SLC30A7: variants seen among roughly 807,000 people sequenced by gnomAD.
SLC30A7 encodes the protein solute carrier family 30 member 7, also known as zinc transporter 7.
A neutral mutation model predicts 46.0 loss-of-function variants in SLC30A7; 35 were observed. The observed-to-expected ratio is 0.76, with a 90% confidence interval of 0.58 to 1.01. The LOEUF is 1.01. Ranked by LOEUF, SLC30A7 falls within the 50% of genes least tolerant of loss-of-function variation. The pLI is 0.00. For missense variants in SLC30A7, 464 were observed against 451.1 expected, an observed-to-expected ratio of 1.03 and a Z score of -0.26; for synonymous variants, 147 against 157.8, an observed-to-expected ratio of 0.93 and a Z score of 0.51.
chr1:100,951,786 T>C, intron 8 of SLC30A7, among the ~76,000 whole-genome samples: 1 of 152,284 alleles, frequency 6.6e-6, no homozygotes, highest in South Asian at 2.1e-4. Context: ...GAAGAATGGC[T>C]GGGCAGAAGA....
chr1:100,987,267 G>C, the SLC30A7 span, among the ~76,000 whole-genome samples: 1 of 152,102 alleles, frequency 6.6e-6, no homozygotes, highest in Non-Finnish European at 1.5e-5. Context: ...TGAGTTGATA[G>C]CTTTACCAAA....
In SLC30A7 at chr1:100,977,583, CTT is replaced by C. The variant is rs938054471; in HGVS notation, c.*2727_*2728del. ...CAATGTCCCTGATATTGAGCTAACT[CTT>C]AAAAAAACCAAACAAAACTCGTATC... On this transcript the variant is annotated 3_prime_UTR_variant, in exon 11 of 11. Transcript: ENST00000357650. 6.6e-6 allele frequency: 1 copy of C among 152,090 alleles called. No homozygotes were observed. Among genetic ancestry groups the C allele is most frequent in the African/African-American group, 2.4e-5 (1 of 41,410 alleles). 9.4% of individuals were successfully genotyped at this position (152,090 alleles called of 1,614,324 possible). A position where few individuals can be genotyped will look rare whatever the true frequency, so the allele number is the denominator to read the frequency against.
At chr1:100,949,460 T>TG (rs1038476358) in intron 8 of SLC30A7, among the ~76,000 whole-genome samples, 5 of 152,176 alleles carry the variant, frequency 3.3e-5, no homozygotes, top group African/African-American at 1.2e-4. Context: ...TTAGGCTTCA[T>TG]GGGGGTCAGG....
intron 8 of SLC30A7, chr1:100,940,962 C>T: frequency 5.1e-6 from 2 of 388,552 alleles, no homozygotes; most frequent in Admixed American, 2.8e-5. Flanking sequence ...CCTGTAGTTT[C>T]CCTGTCACTT....
At chr1:100,930,450 T>C in intron 8 of SLC30A7, among the ~76,000 whole-genome samples, 1 of 152,068 alleles carries the variant, frequency 6.6e-6, no homozygotes, top group Non-Finnish European at 1.5e-5. Context: ...TTCTAAATTA[T>C]AAGAAATCAT....
Position 100,912,341 on chromosome 1 carries a change from A to G in SLC30A7, c.511+103A>G, listed in dbSNP as rs943943321. On this transcript the variant is annotated intron_variant, in intron 5 of 10. Transcript: ENST00000357650. ...TAAACTATACTGATTTCTGATGTCA[A>G]CAGACTATGTGAATATCTTCCTGAA... The G allele has an allele frequency of 8.5e-6, 11 of 1,288,196 alleles. No individual in the cohort carries two copies. The African/African-American group carries it at 1.5e-4, about 17-fold the overall frequency. 79.8% of individuals were successfully genotyped at this position (1,288,196 alleles called of 1,614,324 possible). A position where few individuals can be genotyped will look rare whatever the true frequency, so the allele number is the denominator to read the frequency against.
the SLC30A7 span, among the ~76,000 whole-genome samples, chr1:100,993,603 T>TATATATAGA: frequency 7.6e-6 from 1 of 132,130 alleles, no homozygotes; most frequent in Non-Finnish European, 1.6e-5. Context: ...TATATAGCTA[T>TATATATAGA]TGTGGCTTAC....
At chr1:100,918,579 TAAATTGAAG>T (rs1375213636) in intron 7 of SLC30A7, among the ~76,000 whole-genome samples, 1 of 152,196 alleles carries the variant, frequency 6.6e-6, no homozygotes, top group Non-Finnish European at 1.5e-5. Context: ...AAACCCGTGG[TAAATTGAAG>T]ATACTGTAGG....
rs531206950 is a variant in SLC30A7 at position 100,979,741 on chromosome 1, A to G, written c.*4884A>G. On this transcript the variant is annotated 3_prime_UTR_variant, in exon 11 of 11. Coordinates refer to ENST00000357650, the MANE Select transcript of SLC30A7 (RefSeq NM_133496.5). ...ACATCTCTGTGAGGAAGGAATTTTT[A>G]TCCTTATTTTACAGATGAGGAAGCT... 3 of 152,176 alleles carry G rather than the reference A, an allele frequency of 2.0e-5. No homozygotes were observed. The highest frequency in any genetic ancestry group is 2.0e-4 in the Admixed American group (3 of 15,276). The allele number at this position is 152,176 out of a possible 1,614,324, so 9.4% of individuals were successfully genotyped here. A position where few individuals can be genotyped will look rare whatever the true frequency, so the allele number is the denominator to read the frequency against.
At chr1:100,992,774 G>A in the SLC30A7 span, 1 of 1,424,604 alleles carries the variant, frequency 7.0e-7, no homozygotes, top group Non-Finnish European at 9.9e-7. Context: ...ACTGTTCTTA[G>A]CCATGAAACT....
chr1:100,923,165 C>T (rs183751221), intron 8 of SLC30A7, among the ~76,000 whole-genome samples: 1,517 of 136,370 alleles, frequency 0.011, 155 homozygotes, highest in Non-Finnish European at 0.014. Context: ...TACAGGCGCC[C>T]GCCACCTCGC....
chr1:100,953,064 A>G (rs1465585275), intron 8 of SLC30A7, among the ~76,000 whole-genome samples: 2 of 150,132 alleles, frequency 1.3e-5, no homozygotes, highest in Non-Finnish European at 3.0e-5. Context: ...ATGAGATCTG[A>G]TGATTTAAAA....
chr1:100,986,947 T>TAACTA, the SLC30A7 span, among the ~76,000 whole-genome samples: 1 of 152,236 alleles, frequency 6.6e-6, no homozygotes, highest in East Asian at 1.9e-4. Context: ...ATTTCTATTT[T>TAACTA]AACTAACATT....
rs938700801 is a variant in SLC30A7 at position 100,981,340 on chromosome 1, CT to C, written c.*6487del. On this transcript the variant is annotated 3_prime_UTR_variant, in exon 11 of 11. Coordinates refer to ENST00000357650, the MANE Select transcript of SLC30A7 (RefSeq NM_133496.5). ...TGTGAGTTTGATAAATAGGATGAGT[CT>C]TTTATATTGGAAATACTGTGAATGG... is the stretch of plus-strand genomic sequence containing the variant. 11 of 151,996 alleles carry C rather than the reference CT, an allele frequency of 7.2e-5. No homozygotes were observed. Among genetic ancestry groups the C allele is most frequent in the Admixed American group, 5.9e-4 (9 of 15,260 alleles). 9.4% of individuals were successfully genotyped at this position (151,996 alleles called of 1,614,324 possible).
At chr1:100,938,265 T>A (rs1431080710) in intron 8 of SLC30A7, among the ~76,000 whole-genome samples, 20 of 152,174 alleles carry the variant, frequency 1.3e-4, no homozygotes, top group South Asian at 1.0e-3. Flanking sequence ...TAGAAAAAAA[T>A]GTCACTGGGA....
chr1:100,958,775 T>C (rs1488525402), intron 8 of SLC30A7, among the ~76,000 whole-genome samples: 1 of 152,198 alleles, frequency 6.6e-6, no homozygotes, highest in Non-Finnish European at 1.5e-5. Flanking sequence ...AGATGCTGGG[T>C]TTACAAACAT....
Position 100,973,982 on chromosome 1 carries a change from G to A in SLC30A7, c.1084-828G>A, listed in dbSNP as rs1340677831. The stretch of plus-strand genomic sequence containing the variant: ...GAGTTCAAGAGAGAAGTGAGAAAAA[G>A]GATTTTAGACAGCAAATATGGATAA... On this transcript the variant is annotated intron_variant, in intron 10 of 10. Transcript: ENST00000357650. Among the ~76,000 whole-genome samples the A allele has an allele frequency of 2.6e-5, 4 of 152,070 alleles. No homozygotes were observed. The South Asian group carries it at 8.3e-4, about 31-fold the overall frequency.
the SLC30A7 span, chr1:100,990,330 C>T: frequency 7.5e-7 from 1 of 1,335,846 alleles, no homozygotes; most frequent in Non-Finnish European, 1.1e-6. Flanking sequence ...CAAGATGAGA[C>T]TTGGGTGGGG....
At chr1:100,990,451 A>T in the SLC30A7 span, 1 of 1,614,024 alleles carries the variant, frequency 6.2e-7, no homozygotes, top group Non-Finnish European at 8.5e-7. Context: ...ATTTTCTGGT[A>T]TGGAAAACAG....
Sources: gnomAD v4.1 joint callset for allele counts (sites outside exome capture counted in the v4.1 genomes callset) on GRCh38, gnomAD v4.1.1 for gene constraint, MANE v1.5 for transcripts, NCBI Gene and HGNC (gene_info 2026-07-23, HGNC 2026-07-21) for gene names.